STX18: variants seen among roughly 807,000 people sequenced by gnomAD.
The protein encoded by STX18 is syntaxin-18.
In STX18, 40 loss-of-function variants were observed where a neutral mutation model predicts 50.1. The ratio of observed to expected loss-of-function variants is 0.80; its 90% CI spans 0.62 to 1.04. The LOEUF (loss-of-function observed/expected upper bound fraction) is 1.04, where lower values mean the gene tolerates loss of function less well. Among genes scored for constraint, STX18 ranks in the 50% least tolerant of loss-of-function variants. STX18 has a pLI of 0.00. For synonymous variants in STX18, 158 were observed against 151.8 expected, an observed-to-expected ratio of 1.04 and a Z score of -0.30; for missense variants, 410 against 415.8, an observed-to-expected ratio of 0.99 and a Z score of 0.12.
chr4:4,509,105 T>C (rs1729874824), intron 1 of STX18, among the ~76,000 whole-genome samples: 1 of 152,210 alleles, frequency 6.6e-6, no homozygotes, highest in Admixed American at 6.5e-5. Context: ...GGTCAAATGG[T>C]ATTTCTGCCT....
At chr4:4,460,377 T>A (rs1727316997) in intron 2 of STX18, among the ~76,000 whole-genome samples, 1 of 152,098 alleles carries the variant, frequency 6.6e-6, no homozygotes. Flanking sequence ...AGTAAGTTCC[T>A]CCTAAACCGA....
intron 1 of STX18, among the ~76,000 whole-genome samples, chr4:4,531,602 T>A (rs964779847): frequency 5.3e-5 from 8 of 152,168 alleles, no homozygotes; most frequent in African/African-American, 1.9e-4. Context: ...ACTGGCCTTG[T>A]TACGCTGGTT....
intron 2 of STX18, among the ~76,000 whole-genome samples, chr4:4,460,912 A>G (rs1727343692): frequency 6.6e-6 from 1 of 152,094 alleles, no homozygotes. Flanking sequence ...GAGGAGCCAG[A>G]GTGGCAAGCA....
chr4:4,442,856 C>T (rs1726196924), intron 5 of STX18, among the ~76,000 whole-genome samples: 1 of 140,454 alleles, frequency 7.1e-6, no homozygotes, highest in Non-Finnish European at 1.6e-5. Context: ...GAGAAAAAGA[C>T]CAACAGCCCT....
At chr4:4,468,237 A>C (rs2108831278) in intron 2 of STX18, among the ~76,000 whole-genome samples, 1 of 152,278 alleles carries the variant, frequency 6.6e-6, no homozygotes, top group East Asian at 1.9e-4. Flanking sequence ...ACTTTCTCTG[A>C]AACACCACGT....
At position 4,529,771 on chromosome 4, in the gene STX18, T is replaced by C. The variant is rs564408623; in HGVS notation, c.168+12026A>G. 4.8e-4 allele frequency among the ~76,000 whole-genome samples: 73 copies of C among 152,362 alleles called. 1 individual carries two copies. The South Asian group carries it at 0.013, about 27-fold the overall frequency. On this transcript the variant is annotated intron_variant, in intron 1 of 10. Coordinates refer to ENST00000306200, the MANE Select transcript of STX18 (RefSeq NM_016930.4). Reference sequence around the variant, plus strand: ...AATAAAGGAGCCTAACTTGAAAGGATAGTCAAATAAATTATAAAGCTTTTA... The same window carrying C: ...AATAAAGGAGCCTAACTTGAAAGGACAGTCAAATAAATTATAAAGCTTTTA...
chr4:4,454,819 A>T (rs1418249890), intron 5 of STX18, among the ~76,000 whole-genome samples: 1 of 152,212 alleles, frequency 6.6e-6, no homozygotes, highest in Non-Finnish European at 1.5e-5. Flanking sequence ...CTAATTTAGA[A>T]AATGAAATAC....
At position 4,484,587 on chromosome 4, in the gene STX18, A is replaced by G. The variant is rs559166226; in HGVS notation, c.169-12881T>C. Among the ~76,000 whole-genome samples, 8 of 152,188 alleles carry G rather than the reference A, an allele frequency of 5.3e-5. No individual in the cohort carries two copies. The South Asian group carries it at 1.7e-3, about 32-fold the overall frequency. On this transcript the variant is annotated intron_variant, in intron 1 of 10. Coordinates refer to ENST00000306200, the MANE Select transcript of STX18 (RefSeq NM_016930.4). ...AATGGGATATAAAAAGTAACAAAGA[A>G]CCGGAGACCCCTCCCTGTAGACAGC... is the stretch of plus-strand genomic sequence containing the variant.
At position 4,530,651 on chromosome 4, in the gene STX18, G is replaced by A. The variant is rs189409071; in HGVS notation, c.168+11146C>T. Among the ~76,000 whole-genome samples, 326 of 152,294 alleles carry A rather than the reference G, an allele frequency of 2.1e-3. 2 individuals are homozygous for A. Among genetic ancestry groups the A allele is most frequent in the African/African-American group, 7.3e-3 (305 of 41,568 alleles). ...ACTTTGTTTTGTTTTGTTTTTCCTA[G>A]CTGGAGTGCAATAGCACAATCTTGG... is the stretch of plus-strand genomic sequence containing the variant. On this transcript the variant is annotated intron_variant, in intron 1 of 10. Coordinates refer to ENST00000306200, the MANE Select transcript of STX18 (RefSeq NM_016930.4).
chr4:4,475,738 A>G (rs1407952178), intron 1 of STX18, among the ~76,000 whole-genome samples: 3 of 152,216 alleles, frequency 2.0e-5, no homozygotes, highest in Non-Finnish European at 4.4e-5. Flanking sequence ...CGTGCTCATT[A>G]CATTTTCACA....
At chr4:4,446,047 G>A (rs1417149459) in intron 5 of STX18, among the ~76,000 whole-genome samples, 2 of 152,102 alleles carry the variant, frequency 1.3e-5, no homozygotes, top group South Asian at 2.1e-4. Context: ...ACTGACTTTT[G>A]ATGACGATGC....
At chr4:4,523,816 T>G (rs1425575709) in intron 1 of STX18, among the ~76,000 whole-genome samples, 5 of 152,196 alleles carry the variant, frequency 3.3e-5, no homozygotes, top group Non-Finnish European at 7.3e-5. Flanking sequence ...AGTCCCCTAC[T>G]GAAAACTTTT....
At chr4:4,485,960 T>C (rs2108856785) in intron 1 of STX18, among the ~76,000 whole-genome samples, 1 of 152,246 alleles carries the variant, frequency 6.6e-6, no homozygotes. Flanking sequence ...GCCTATATCC[T>C]TTGCTCTCTT....
chr4:4,503,404 T>G (rs1031590005), intron 1 of STX18, among the ~76,000 whole-genome samples: 2 of 152,226 alleles, frequency 1.3e-5, no homozygotes, highest in African/African-American at 4.8e-5. Flanking sequence ...TGTTGTTGTT[T>G]AATCCACACA....
chr4:4,442,506 A>C (rs982754899), intron 5 of STX18, among the ~76,000 whole-genome samples: 1 of 152,102 alleles, frequency 6.6e-6, no homozygotes, highest in Non-Finnish European at 1.5e-5. Context: ...AGTCCCAGCT[A>C]CTCAGGAGGC....
chr4:4,540,105 C>G (rs1431144839), intron 1 of STX18, among the ~76,000 whole-genome samples: 16 of 152,176 alleles, frequency 1.1e-4, no homozygotes, highest in Admixed American at 1.0e-3. Flanking sequence ...GAAGCTCCCA[C>G]TTTAATTTGT....
chr4:4,474,952 C>CT (rs533700314), intron 1 of STX18, among the ~76,000 whole-genome samples: 6 of 152,194 alleles, frequency 3.9e-5, no homozygotes, highest in Non-Finnish European at 8.8e-5. Flanking sequence ...ACTAATACAC[C>CT]TACTAAGAAC....
chr4:4,468,466 G>A (rs979203767), intron 2 of STX18, among the ~76,000 whole-genome samples: 1 of 152,054 alleles, frequency 6.6e-6, no homozygotes, highest in Admixed American at 6.6e-5. Flanking sequence ...ATCAGAAAGA[G>A]ACACACAGAC....
intron 1 of STX18, among the ~76,000 whole-genome samples, chr4:4,490,387 G>A (rs1325438115): frequency 1.3e-5 from 2 of 152,062 alleles, no homozygotes; most frequent in East Asian, 1.9e-4. Context: ...ACAAAATGCC[G>A]ATTTGCAATT....
Sources: gnomAD v4.1 joint callset for allele counts (sites outside exome capture counted in the v4.1 genomes callset) on GRCh38, gnomAD v4.1.1 for gene constraint, MANE v1.5 for transcripts, NCBI Gene and HGNC (gene_info 2026-07-23, HGNC 2026-07-21) for gene names.